GLIS3: variants seen among roughly 807,000 people sequenced by gnomAD.
The protein encoded by GLIS3 is zinc finger protein GLIS3.
A neutral mutation model predicts 78.6 loss-of-function variants in GLIS3; 53 were observed. The ratio of observed to expected loss-of-function variants is 0.67; its 90% CI spans 0.54 to 0.85. GLIS3 has a LOEUF of 0.85. Ranked by LOEUF, GLIS3 falls within the 40% of genes least tolerant of loss-of-function variation. The pLI is 0.00. For synonymous variants in GLIS3, 684 were observed against 509.9 expected, an observed-to-expected ratio of 1.34 and a Z score of -4.60; for missense variants, 1,703 against 1,231.1, an observed-to-expected ratio of 1.38 and a Z score of -5.74.
chr9:3,889,930 T>C (rs1426458417), intron 7 of GLIS3, among the ~76,000 whole-genome samples: 2 of 152,196 alleles, frequency 1.3e-5, no homozygotes, highest in East Asian at 1.9e-4. Context: ...AGAACCATCA[T>C]GAAAAGACTA....
chr9:3,859,093 C>T (rs1819986927), intron 8 of GLIS3, among the ~76,000 whole-genome samples: 1 of 152,006 alleles, frequency 6.6e-6, no homozygotes, highest in Admixed American at 6.6e-5. Flanking sequence ...GAGGTAAGGT[C>T]CCTGGGAATG....
intron 4 of GLIS3, among the ~76,000 whole-genome samples, chr9:3,945,225 A>C (rs1816212402): frequency 6.6e-6 from 1 of 152,260 alleles, no homozygotes; most frequent in Admixed American, 6.5e-5. Context: ...GTTTCTGATT[A>C]CCACATAGCC....
At chr9:4,227,823 C>G (rs1355011647) in intron 2 of GLIS3, among the ~76,000 whole-genome samples, 1 of 152,204 alleles carries the variant, frequency 6.6e-6, no homozygotes, top group Non-Finnish European at 1.5e-5. Flanking sequence ...AATTAAAAAA[C>G]AATGCTGCTA....
chr9:4,381,109 G>C, the GLIS3 span, among the ~76,000 whole-genome samples: 1 of 152,196 alleles, frequency 6.6e-6, no homozygotes, highest in East Asian at 1.9e-4. Flanking sequence ...AAAAAGGAGA[G>C]GAAGAACCAA....
chr9:3,954,103 T>G (rs1367637251), intron 4 of GLIS3, among the ~76,000 whole-genome samples: 2 of 152,220 alleles, frequency 1.3e-5, no homozygotes, highest in Non-Finnish European at 2.9e-5. Context: ...AATTATGCTT[T>G]GAATTTCTGT....
intron 2 of GLIS3, among the ~76,000 whole-genome samples, chr9:4,194,042 AT>A (rs1377466081): frequency 6.6e-6 from 1 of 152,044 alleles, no homozygotes; most frequent in African/African-American, 2.4e-5. Flanking sequence ...TTGCCGCTTT[AT>A]TTTTATTTAT....
At chr9:4,189,184 C>T (rs564139694) in intron 2 of GLIS3, among the ~76,000 whole-genome samples, 15 of 151,854 alleles carry the variant, frequency 9.9e-5, no homozygotes, top group African/African-American at 3.1e-4. Flanking sequence ...CCCAGAGATT[C>T]TGGTATGTTG....
chr9:3,949,324 T>G (rs1354989722), intron 4 of GLIS3, among the ~76,000 whole-genome samples: 1 of 152,236 alleles, frequency 6.6e-6, no homozygotes, highest in African/African-American at 2.4e-5. Context: ...CTTATGTTCT[T>G]GGCATGATCT....
chr9:4,429,291 C>A, the GLIS3 span, among the ~76,000 whole-genome samples: 4 of 152,040 alleles, frequency 2.6e-5, no homozygotes, highest in African/African-American at 9.7e-5. Flanking sequence ...TGCCATTTGG[C>A]CCCTACCTCC....
At chr9:4,296,751 G>C (rs1816544765) in intron 1 of GLIS3, among the ~76,000 whole-genome samples, 1 of 151,844 alleles carries the variant, frequency 6.6e-6, no homozygotes, top group Non-Finnish European at 1.5e-5. Context: ...ATAAGGACAG[G>C]TGTTTTGAAA....
chr9:4,152,599 G>C (rs942428550), intron 2 of GLIS3, among the ~76,000 whole-genome samples: 1 of 152,052 alleles, frequency 6.6e-6, no homozygotes, highest in Non-Finnish European at 1.5e-5. Context: ...CCCATTTTCT[G>C]AGTAAACGTG....
chr9:4,070,618 G>A (rs895803642), intron 4 of GLIS3, among the ~76,000 whole-genome samples: 1 of 152,088 alleles, frequency 6.6e-6, no homozygotes, highest in Non-Finnish European at 1.5e-5. Flanking sequence ...GTATGTGTGT[G>A]TATATGTAAG....
chr9:4,060,522 G>T lies in GLIS3; in HGVS notation c.1710+57246C>A, dbSNP rs1826558421. On this transcript the variant is annotated intron_variant, in intron 4 of 10. Coordinates refer to ENST00000381971, the MANE Select transcript of GLIS3 (RefSeq NM_001042413.2). ...GAGGTGACTGGGTCATGACAGCTCT[G>T]CCCTCATGAATGATGGGTTAATGTA... Among the ~76,000 whole-genome samples the T allele has an allele frequency of 2.0e-5, 3 of 152,278 alleles. No homozygotes were observed. The South Asian group carries it at 6.2e-4, about 32-fold the overall frequency.
chr9:4,327,632 C>G (rs1453523475), intron 2 of GLIS3, among the ~76,000 whole-genome samples: 2 of 152,170 alleles, frequency 1.3e-5, no homozygotes, highest in Non-Finnish European at 2.9e-5. Context: ...CGGAAAGGAC[C>G]TTCAGACCCA....
rs1432910857 is a variant in GLIS3 at position 3,932,428 on chromosome 9, T to C, written c.1915A>G (p.Thr639Ala). 1 of 1,613,830 alleles carries C rather than the reference T, an allele frequency of 6.2e-7. No individual in the cohort carries two copies. Among genetic ancestry groups the C allele is most frequent in the Non-Finnish European group, 8.5e-7 (1 of 1,179,882 alleles). Reference protein sequence around the residue: ...CQIPGCTKRYTDPSSLRKHVK... With the variant: ...CQIPGCTKRYADPSSLRKHVK... ...TGCTTTCTTAGGGAACTTGGGTCTG[T>C]GTAGCGTTTGGTACATCCTGGAATT... The change falls in exon 6 of 11, where the codon ACA becomes GCA. Residue 639 changes from threonine (T) to alanine (A), a missense_variant. Physicochemically the swap from Thr to Ala is moderately conservative, Grantham distance 58. Transcript: ENST00000381971.
At chr9:4,244,419 T>G (rs992440669) in intron 2 of GLIS3, among the ~76,000 whole-genome samples, 2 of 152,236 alleles carry the variant, frequency 1.3e-5, no homozygotes, top group Non-Finnish European at 2.9e-5. Context: ...AGTATTTACA[T>G]AATTTAATTA....
chr9:4,329,656 A>G (rs1817654371), intron 2 of GLIS3, among the ~76,000 whole-genome samples: 1 of 152,138 alleles, frequency 6.6e-6, no homozygotes, highest in Non-Finnish European at 1.5e-5. Context: ...TTCCAGGATG[A>G]GAGAGAAATT....
chr9:4,156,617 G>C (rs983824041), intron 2 of GLIS3, among the ~76,000 whole-genome samples: 2 of 152,148 alleles, frequency 1.3e-5, no homozygotes, highest in African/African-American at 4.8e-5. Flanking sequence ...CAACCCACTG[G>C]AAGATAAAAT....
At chr9:3,990,508 T>G (rs757378721) in intron 4 of GLIS3, among the ~76,000 whole-genome samples, 2 of 152,214 alleles carry the variant, frequency 1.3e-5, no homozygotes, top group East Asian at 3.8e-4. Context: ...CTAACCTTTC[T>G]GGCAATTTAA....
Sources: allele counts gnomAD v4.1 joint callset (sites outside exome capture counted in the v4.1 genomes callset), GRCh38; gene constraint gnomAD v4.1.1; transcripts MANE v1.5; gene names NCBI Gene and HGNC (gene_info 2026-07-23, HGNC 2026-07-21).